TLCD3A: variants seen among roughly 807,000 people sequenced by gnomAD.
The protein encoded by TLCD3A is TLC domain-containing protein 3A.
Under a neutral mutation model 29.9 loss-of-function variants are expected in TLCD3A, and 17 were observed. That is an observed-to-expected ratio of 0.57 (90% CI 0.39 to 0.85). The LOEUF (loss-of-function observed/expected upper bound fraction) is 0.85. TLCD3A is among the 40% of genes least tolerant of loss of function. The pLI, the probability that TLCD3A is intolerant of heterozygous loss-of-function variation, is 0.00. For synonymous variants in TLCD3A, 143 were observed against 147.7 expected (o/e 0.97, Z 0.23); for missense variants, 332 against 350.8 (o/e 0.95, Z 0.43).
At chr17:737,165 C>A (rs1363796541) in intron 2 of TLCD3A, among the ~76,000 whole-genome samples, 1 of 152,148 alleles carries the variant, frequency 6.6e-6, no homozygotes, top group Admixed American at 6.5e-5. Context: ...GTGTGCGCCA[C>A]CACATCTGAC....
rs112257043 is a variant in TLCD3A at position 741,946 on chromosome 17, A to G, written c.*376A>G. 1,017 of 323,436 alleles carry G rather than the reference A, an allele frequency of 3.1e-3. 6 individuals carry two copies. Among genetic ancestry groups the G allele is most frequent in the Admixed American group, 6.0e-3 (130 of 21,620 alleles). 20.0% of individuals were successfully genotyped at this position (323,436 alleles called of 1,614,324 possible). On this transcript the variant is annotated 3_prime_UTR_variant, in exon 5 of 5. Coordinates refer to ENST00000308278, the MANE Select transcript of TLCD3A (RefSeq NM_024792.3). Reference sequence around the variant, plus strand: ...TGTATCAGCGGCTACCCACCTTCCAAACCACTCAGGACAGTACCCGTGGCA... The same window carrying G: ...TGTATCAGCGGCTACCCACCTTCCAGACCACTCAGGACAGTACCCGTGGCA...
At chr17:733,074 C>T in intron 1 of TLCD3A, 24 bp from the exon 2 acceptor site, 1 of 1,512,052 alleles carries the variant, frequency 6.6e-7, no homozygotes, top group Non-Finnish European at 8.9e-7. Context: ...TGAGCGCGCG[C>T]GCTGTTCTCT....
intron 2 of TLCD3A, among the ~76,000 whole-genome samples, chr17:737,203 G>A (rs972982634): frequency 1.1e-4 from 16 of 151,888 alleles, no homozygotes; most frequent in South Asian, 4.2e-4. Flanking sequence ...GTAGAGACGG[G>A]GTTTCGCCAT....
intron 2 of TLCD3A, among the ~76,000 whole-genome samples, chr17:735,719 C>A (rs1428950145): frequency 2.0e-5 from 3 of 151,878 alleles, no homozygotes; most frequent in Admixed American, 1.3e-4. Context: ...AATCCCAACA[C>A]TTTGGGAGGC....
chr17:741,868 T>C lies in TLCD3A; in HGVS notation c.*298T>C, dbSNP rs768700569. On this transcript the variant is annotated 3_prime_UTR_variant, in exon 5 of 5. Coordinates refer to ENST00000308278, the MANE Select transcript of TLCD3A (RefSeq NM_024792.3). ...TCAAGAGCTCTGGGAGGTGGAAGCA[T>C]GGGGTGGGATCGGTGGACCAGGGTG... is the stretch of plus-strand genomic sequence containing the variant. 2 of 436,740 alleles carry C rather than the reference T, an allele frequency of 4.6e-6. No individual in the cohort carries two copies. Among genetic ancestry groups the C allele is most frequent in the Non-Finnish European group, 8.4e-6 (2 of 237,938 alleles). 27.1% of individuals were successfully genotyped at this position (436,740 alleles called of 1,614,324 possible).
chr17:734,683 G>C (rs1301009368), intron 2 of TLCD3A, among the ~76,000 whole-genome samples: 1 of 152,100 alleles, frequency 6.6e-6, no homozygotes, highest in Non-Finnish European at 1.5e-5. Context: ...CTCATTTTAT[G>C]CCTTCACATA....
intron 2 of TLCD3A, among the ~76,000 whole-genome samples, chr17:734,188 C>T (rs78945975): frequency 4.9e-3 from 424 of 87,146 alleles, no homozygotes; most frequent in African/African-American, 9.6e-3. Flanking sequence ...TCTTCTTCTT[C>T]TTCTTTTTTT....
At chr17:737,720 A>T in intron 2 of TLCD3A, 126 bp from the exon 3 acceptor site, 1 of 933,476 alleles carries the variant, frequency 1.1e-6, no homozygotes, top group Non-Finnish European at 1.7e-6. Flanking sequence ...CCTGTTTATC[A>T]GTTTCAACAT....
chr17:734,515 C>T lies in TLCD3A; in HGVS notation c.206+1334C>T, dbSNP rs184844627. ...GTTGGTAGAGACAGGGGTCTCCCTGCGTTGCCCAGGCTGGTCTTGAACTCC... is the reference window on the plus strand; with the variant it reads ...GTTGGTAGAGACAGGGGTCTCCCTGTGTTGCCCAGGCTGGTCTTGAACTCC... On this transcript the variant is annotated intron_variant, in intron 2 of 4. Transcript: ENST00000308278. 2.5e-3 allele frequency among the ~76,000 whole-genome samples: 337 copies of T among 134,528 alleles called. 3 individuals are homozygous for T. The highest frequency in any genetic ancestry group is 9.0e-3 in the African/African-American group (321 of 35,482). The allele number at this position is 134,528 out of a possible 152,430, so 88.3% of individuals were successfully genotyped here.
rs146189925 is a variant in TLCD3A, at chr17:736,429, G to A, written c.207-1417G>A. 2.1e-3 allele frequency among the ~76,000 whole-genome samples: 317 copies of A among 152,300 alleles called. 1 individual carries two copies. The highest frequency in any genetic ancestry group is 7.4e-3 in the African/African-American group (309 of 41,564). On this transcript the variant is annotated intron_variant, in intron 2 of 4. Coordinates refer to ENST00000308278, the MANE Select transcript of TLCD3A (RefSeq NM_024792.3). ...ATGTTTCTTCACAGAAAACATCTGTGGAATGCTTATCACTGGGAACCACAT... is the reference window on the plus strand; with the variant it reads ...ATGTTTCTTCACAGAAAACATCTGTAGAATGCTTATCACTGGGAACCACAT...
intron 4 of TLCD3A, 140 bp downstream of exon 4, chr17:740,740 T>TATGA (rs1974239607): frequency 2.3e-6 from 2 of 857,904 alleles, no homozygotes; most frequent in Non-Finnish European, 3.7e-6. Context: ...TTCAGGCATG[T>TATGA]ATGAATGAAT....
chr17:738,659 A>G (rs1459605255), intron 3 of TLCD3A, among the ~76,000 whole-genome samples: 2 of 152,200 alleles, frequency 1.3e-5, no homozygotes, highest in Non-Finnish European at 2.9e-5. Flanking sequence ...TGTAGCCTCA[A>G]ACTACTGGCC....
chr17:732,774 C>G lies in TLCD3A; in HGVS notation c.122+5C>G. 1 of 1,446,278 alleles carries G rather than the reference C, an allele frequency of 6.9e-7. No homozygotes were observed. The highest frequency in any genetic ancestry group is 1.3e-5 in the South Asian group (1 of 74,998). 89.6% of individuals were successfully genotyped at this position (1,446,278 alleles called of 1,614,324 possible). On this transcript the variant is annotated splice_donor_5th_base_variant and intron_variant, in intron 1 of 4. Transcript: ENST00000308278. ...CTGCGTGATGATCAGCACCAGGTACCGGCGCCGCCGAGACGCCCCCCGAGG... is the reference window on the plus strand; with the variant it reads ...CTGCGTGATGATCAGCACCAGGTACGGGCGCCGCCGAGACGCCCCCCGAGG...
In TLCD3A at chr17:736,312, C is replaced by T. The variant is rs148693228; in HGVS notation, c.207-1534C>T. ...TTCAGGTAGTTTGAGAACCATAAAACGAAATGGTTTTCTACCTAATACGTG... is the reference window on the plus strand; with the variant it reads ...TTCAGGTAGTTTGAGAACCATAAAATGAAATGGTTTTCTACCTAATACGTG... On this transcript the variant is annotated intron_variant, in intron 2 of 4. Transcript: ENST00000308278. 3.7e-4 allele frequency among the ~76,000 whole-genome samples: 56 copies of T among 152,278 alleles called. No individual in the cohort carries two copies. In the East Asian group the frequency reaches 9.7e-3, roughly 26 times the overall value.
intron 2 of TLCD3A, among the ~76,000 whole-genome samples, chr17:734,378 A>G (rs1285925553): frequency 6.6e-6 from 1 of 151,584 alleles, no homozygotes; most frequent in Non-Finnish European, 1.5e-5. Context: ...TGGCATAATG[A>G]CAGCTGACTG....
chr17:733,109 C>T lies in TLCD3A; in HGVS notation c.134C>T (p.Ser45Leu), dbSNP rs868553805. The T allele has an allele frequency of 1.3e-5, 21 of 1,590,340 alleles. No individual in the cohort carries two copies. Among genetic ancestry groups the T allele is most frequent in the African/African-American group, 1.1e-4 (8 of 74,068 alleles). ...CVMISTRLVS[S>L]VHAVLATGSG... ...TCCGCCCGCGCTAGGCTGGTTTCCT[C>T]GGTGCACGCCGTGCTGGCCACCGGC... The change falls in exon 2 of 5, where the codon TCG (serine) becomes TTG (leucine). Residue 45 changes from serine (S) to leucine (L), a missense_variant. Ser to Leu is a moderately radical substitution (Grantham distance 145, BLOSUM62 -2). Transcript: ENST00000308278.
intron 2 of TLCD3A, among the ~76,000 whole-genome samples, chr17:737,259 G>A (rs984086593): frequency 1.3e-5 from 2 of 151,982 alleles, no homozygotes; most frequent in African/African-American, 4.8e-5. Context: ...TGATCCACCC[G>A]CCTCAGCCTC....
chr17:736,615 C>G (rs938310514), intron 2 of TLCD3A, among the ~76,000 whole-genome samples: 1 of 152,288 alleles, frequency 6.6e-6, no homozygotes, highest in South Asian at 2.1e-4. Context: ...TAATGTGGCC[C>G]TTGAGCTCCA....
At chr17:738,439 C>T (rs1357617997) in intron 3 of TLCD3A, among the ~76,000 whole-genome samples, 1 of 151,902 alleles carries the variant, frequency 6.6e-6, no homozygotes, top group African/African-American at 2.4e-5. Context: ...GGGATTGCCC[C>T]TCTTTTCTTT....
Sources: gnomAD v4.1 joint callset for allele counts (sites outside exome capture counted in the v4.1 genomes callset) on GRCh38, gnomAD v4.1.1 for gene constraint, MANE v1.5 for transcripts, NCBI Gene and HGNC (gene_info 2026-07-23, HGNC 2026-07-21) for gene names.